FAM135B: variants seen among roughly 807,000 people sequenced by gnomAD.
FAM135B encodes protein FAM135B.
A neutral mutation model predicts 127.7 loss-of-function variants in FAM135B; 43 were observed. The observed-to-expected ratio is 0.34, with a 90% CI of 0.26 to 0.43. The LOEUF (loss-of-function observed/expected upper bound fraction) is 0.43, where lower values mean the gene tolerates loss of function less well. FAM135B is among the 20% of genes least tolerant of loss of function. The probability of loss-of-function intolerance (pLI) is 1.00; values close to 1 mark genes in which losing one functional copy is unlikely to be tolerated. For synonymous variants in FAM135B, 670 were observed against 665.1 expected (o/e 1.01, Z -0.11); for missense variants, 1,558 against 1,725.6 (o/e 0.90, Z 1.72).
At chr8:138,454,936 A>T (rs1464404893) in intron 1 of FAM135B, among the ~76,000 whole-genome samples, 2 of 152,220 alleles carry the variant, frequency 1.3e-5, no homozygotes, top group African/African-American at 4.8e-5. Context: ...CATGTAGTAG[A>T]CATTCAATAA....
At chr8:138,362,673 T>C (rs1421711857) in intron 2 of FAM135B, among the ~76,000 whole-genome samples, 1 of 152,158 alleles carries the variant, frequency 6.6e-6, no homozygotes, top group Non-Finnish European at 1.5e-5. Context: ...AATTGGATAA[T>C]GTATAAATGG....
At chr8:138,363,430 C>A (rs1417476337) in intron 2 of FAM135B, among the ~76,000 whole-genome samples, 1 of 152,130 alleles carries the variant, frequency 6.6e-6, no homozygotes, top group African/African-American at 2.4e-5. Context: ...CAGACCATGG[C>A]TTCAAATTAA....
At chr8:138,160,311 C>A (rs1284657400) in intron 12 of FAM135B, among the ~76,000 whole-genome samples, 2 of 152,126 alleles carry the variant, frequency 1.3e-5, no homozygotes, top group African/African-American at 4.8e-5. Flanking sequence ...TGGAAACCCA[C>A]AATTTATAGC....
At chr8:138,379,190 G>T (rs915232293) in intron 1 of FAM135B, among the ~76,000 whole-genome samples, 23 of 152,088 alleles carry the variant, frequency 1.5e-4, no homozygotes, top group Non-Finnish European at 2.5e-4. Context: ...TCTTTTTTTG[G>T]AGAGGCAATG....
chr8:138,415,756 C>T (rs781482764), intron 1 of FAM135B, among the ~76,000 whole-genome samples: 1 of 152,122 alleles, frequency 6.6e-6, no homozygotes, highest in African/African-American at 2.4e-5. Context: ...AAGGGGAATC[C>T]TAATACTCTC....
intron 9 of FAM135B, among the ~76,000 whole-genome samples, chr8:138,182,292 C>T (rs1177453847): frequency 2.0e-5 from 3 of 152,220 alleles, no homozygotes; most frequent in South Asian, 2.1e-4. Flanking sequence ...CACAGATGCC[C>T]GAGCCTGTGC....
At chr8:138,305,513 A>AC (rs5895512) in intron 3 of FAM135B, among the ~76,000 whole-genome samples, 152,219 of 152,360 alleles carry the variant, frequency 1, 76,039 homozygotes, top group Non-Finnish European at 1. Flanking sequence ...CATACCAATT[A>AC]TTTGTAACCC....
At chr8:138,402,155 C>T (rs1833190074) in intron 1 of FAM135B, among the ~76,000 whole-genome samples, 1 of 152,064 alleles carries the variant, frequency 6.6e-6, no homozygotes, top group African/African-American at 2.4e-5. Flanking sequence ...ACTCCAAAAT[C>T]ACTGGGGGCT....
At chr8:138,474,025 C>G (rs926192921) in intron 1 of FAM135B, among the ~76,000 whole-genome samples, 2 of 152,152 alleles carry the variant, frequency 1.3e-5, no homozygotes, top group East Asian at 1.9e-4. Flanking sequence ...TTTCATTTGA[C>G]TATATCAACG....
chr8:138,407,721 C>T (rs1169822789), intron 1 of FAM135B, among the ~76,000 whole-genome samples: 2 of 152,306 alleles, frequency 1.3e-5, no homozygotes, highest in Middle Eastern at 6.8e-3. Context: ...AAAGCTGAAA[C>T]TGGATCCCTT....
intron 9 of FAM135B, among the ~76,000 whole-genome samples, chr8:138,183,705 A>G (rs748604504): frequency 1.4e-4 from 21 of 152,224 alleles, no homozygotes; most frequent in Non-Finnish European, 2.8e-4. Context: ...ATCCACTTAC[A>G]TGACTTTGGA....
At chr8:138,481,978 A>G (rs1414681382) in intron 1 of FAM135B, among the ~76,000 whole-genome samples, 2 of 152,228 alleles carry the variant, frequency 1.3e-5, no homozygotes, top group African/African-American at 4.8e-5. Flanking sequence ...GGAGTTCACC[A>G]TCTGGAGAAG....
chr8:138,144,193 G>A (rs1446052406), intron 15 of FAM135B: 1 of 152,268 alleles, frequency 6.6e-6, no homozygotes, highest in East Asian at 1.9e-4. Flanking sequence ...GGCCAAAGCA[G>A]GCAGATCACG....
chr8:138,314,721 A>AAATAAATAAATAAATAAATAAATAAATT (rs1396736185), intron 2 of FAM135B, among the ~76,000 whole-genome samples: 2 of 150,638 alleles, frequency 1.3e-5, no homozygotes, highest in Admixed American at 6.6e-5. Flanking sequence ...ATAAATAAAT[A>AAATAAATAAATAAATAAATAAATAAATT]AATTAGCTGG....
chr8:138,259,863 G>A (rs1463271115), intron 4 of FAM135B, among the ~76,000 whole-genome samples: 1 of 152,206 alleles, frequency 6.6e-6, no homozygotes, highest in Non-Finnish European at 1.5e-5. Flanking sequence ...ATAAGATGCT[G>A]TTTGTTGGAG....
intron 1 of FAM135B, among the ~76,000 whole-genome samples, chr8:138,410,196 G>A (rs1055327206): frequency 3.3e-5 from 5 of 152,168 alleles, no homozygotes; most frequent in Admixed American, 1.3e-4. Context: ...GAGGAGGAGA[G>A]GTTGAAAAGA....
Position 138,341,942 on chromosome 8 carries a change from T to C in FAM135B, c.77+25965A>G, listed in dbSNP as rs542750359. On this transcript the variant is annotated intron_variant, in intron 2 of 19. Coordinates refer to ENST00000395297, the MANE Select transcript of FAM135B (RefSeq NM_015912.4). ...TTATACTACACACTACTCTATATAC[T>C]ATTTTAGGTGCAGGGAGTAAAAGTC... Among the ~76,000 whole-genome samples the C allele has an allele frequency of 3.3e-5, 5 of 152,188 alleles. No homozygotes were observed. The East Asian group carries it at 9.7e-4, about 30-fold the overall frequency.
intron 7 of FAM135B, among the ~76,000 whole-genome samples, chr8:138,209,147 T>C (rs1242202950): frequency 1.3e-5 from 2 of 152,168 alleles, no homozygotes; most frequent in Non-Finnish European, 2.9e-5. Flanking sequence ...TGTGTGCCCA[T>C]CACTGCGGTG....
chr8:138,283,458 G>T (rs1420051563), intron 3 of FAM135B, among the ~76,000 whole-genome samples: 9 of 151,860 alleles, frequency 5.9e-5, no homozygotes, highest in African/African-American at 2.2e-4. Context: ...GGTTAAGGGA[G>T]GTGGAGGGAT....
Sources: gnomAD v4.1 joint callset for allele counts (sites outside exome capture counted in the v4.1 genomes callset) on GRCh38, gnomAD v4.1.1 for gene constraint, MANE v1.5 for transcripts, NCBI Gene and HGNC (gene_info 2026-07-23, HGNC 2026-07-21) for gene names.